The following NBPF20 variants were observed in gnomAD, a reference collection of about 807,000 sequenced individuals.
NBPF20 encodes NBPF member 20.
In NBPF20, 90 loss-of-function variants were observed where a neutral mutation model predicts 68.1. The ratio of observed to expected loss-of-function variants is 1.32; its 90% CI spans 1.11 to 1.58. NBPF20 has a LOEUF of 1.58. Ranked by LOEUF, NBPF20 falls within the 40% of genes most tolerant of loss-of-function variation. NBPF20 has a pLI of 0.00. For missense variants in NBPF20, 816 were observed against 601.2 expected, an observed-to-expected ratio of 1.36 and a Z score of -3.74; for synonymous variants, 290 against 228.1, an observed-to-expected ratio of 1.27 and a Z score of -2.45.
chr1:145,396,732 C>T (rs1215712005), intron 7 of NBPF20, among the ~76,000 whole-genome samples: 1 of 133,184 alleles, frequency 7.5e-6, no homozygotes, highest in African/African-American at 3.4e-5. Context: ...TATAGTTTTC[C>T]TTTATTATTT....
At chr1:145,395,167 G>C in intron 7 of NBPF20, 26 bp from the exon 13 acceptor site, 1 of 1,393,360 alleles carries the variant, frequency 7.2e-7, no homozygotes, top group Non-Finnish European at 1.0e-6. Flanking sequence ...GGACAGGGAT[G>C]ATAGAAGATT....
the NBPF20 span, among the ~76,000 whole-genome samples, chr1:145,425,219 C>T: frequency 1.3e-5 from 2 of 152,100 alleles, no homozygotes; most frequent in East Asian, 1.9e-4. Flanking sequence ...CCGGAACACA[C>T]GCCCCCCCCA....
chr1:145,395,271 G>C, intron 7 of NBPF20, 130 bp from the exon 13 acceptor site: 1 of 1,052,640 alleles, frequency 9.5e-7, no homozygotes, highest in Non-Finnish European at 1.4e-6. Flanking sequence ...TTTCCTTCAA[G>C]AGAAATAAAA....
intron 75 of NBPF20, 56 bp downstream of exon 80, chr1:145,341,508 T>A (rs2101479022): frequency 1.6e-4 from 1 of 6,430 alleles, no homozygotes; most frequent in East Asian, 3.6e-3. Flanking sequence ...TTTCCCTGAA[T>A]CTGTTGCCTC....
At chr1:145,401,006 G>C in intron 5 of NBPF20, 53 bp downstream of exon 10, 2 of 1,529,724 alleles carry the variant, frequency 1.3e-6, no homozygotes, top group Non-Finnish European at 1.8e-6. Context: ...GTGCCTCCTA[G>C]ATATTCCTCA....
At chr1:145,396,369 A>G (rs1553663835) in intron 7 of NBPF20, among the ~76,000 whole-genome samples, 3,456 of 151,252 alleles carry the variant, frequency 0.023, 124 homozygotes, top group African/African-American at 0.08. Context: ...GACCAAATCT[A>G]CATTTGATTG....
At chr1:145,366,614 A>G (rs1661702411) in intron 43 of NBPF20, among the ~76,000 whole-genome samples, 1 of 85,326 alleles carries the variant, frequency 1.2e-5, no homozygotes, top group African/African-American at 5.2e-5. Context: ...ACACAGAGAG[A>G]ACGAGCTCAG....
intron 29 of NBPF20, among the ~76,000 whole-genome samples, 181 bp from the exon 35 acceptor site, chr1:145,377,619 A>C (rs1237167745): frequency 7.0e-6 from 1 of 142,024 alleles, no homozygotes; most frequent in African/African-American, 2.5e-5. Context: ...AAAGAATGAA[A>C]GAGAAAGACA....
Position 145,393,677 on chromosome 1 carries a change from C to G in NBPF20, c.1043+207G>C, listed in dbSNP as rs1191633628. 2.9e-6 allele frequency: 4 copies of G among 1,390,042 alleles called. No individual in the cohort carries two copies. The Admixed American group carries it at 6.4e-5, about 22-fold the overall frequency. 86.1% of individuals were successfully genotyped at this position (1,390,042 alleles called of 1,614,324 possible). On this transcript the variant is annotated intron_variant, in intron 9 of 137. Transcript: ENST00000369373. ...AATACAGCTTTTGAGTTATGGTCAA[C>G]TTTCACTAGGTTAGTAAATGATAAG...
exon 138 of NBPF20, chr1:145,291,475 C>T (rs1337338852): frequency 3.7e-5 from 59 of 1,611,848 alleles, no homozygotes; most frequent in Non-Finnish European, 4.5e-5. Flanking sequence ...TCTTCACGTG[C>T]CTATAGGTCC....
At chr1:145,394,446 A>G (rs1358589822) in intron 8 of NBPF20, among the ~76,000 whole-genome samples, 1 of 152,116 alleles carries the variant, frequency 6.6e-6, no homozygotes, top group African/African-American at 2.4e-5. Context: ...AAAACATACC[A>G]GGAACATGAT....
At chr1:145,399,776 CAA>C (rs1176062364) in intron 6 of NBPF20, among the ~76,000 whole-genome samples, 7 of 51,734 alleles carry the variant, frequency 1.4e-4, no homozygotes, top group African/African-American at 6.3e-4. Context: ...GACTCCATCA[CAA>C]AAAAAAAAAA....
At chr1:145,291,956 G>C (rs1366145858) in intron 137 of NBPF20, among the ~76,000 whole-genome samples, 187 bp from the exon 143 acceptor site, 40 of 151,142 alleles carry the variant, frequency 2.6e-4, no homozygotes, top group South Asian at 2.1e-4. Context: ...AACAATGAAA[G>C]AGAAAGACAG....
chr1:145,415,584 G>C, the NBPF20 span, among the ~76,000 whole-genome samples: 1 of 147,850 alleles, frequency 6.8e-6, no homozygotes, highest in Non-Finnish European at 1.5e-5. Context: ...CTTGAGATTA[G>C]GGAGTGGTGA....
chr1:145,292,057 G>A (rs1317769540), intron 137 of NBPF20, among the ~76,000 whole-genome samples: 1 of 149,440 alleles, frequency 6.7e-6, no homozygotes, highest in African/African-American at 2.6e-5. Context: ...GACACTCTGA[G>A]TTAGTGTCCT....
At chr1:145,403,218 G>A (rs1553665920) in exon 3 of NBPF20, 171 of 1,612,254 alleles carry the variant, frequency 1.1e-4, no homozygotes, top group Middle Eastern at 2.1e-4. Context: ...CCCCTCACCT[G>A]AGCTCCTCAG....
intron 9 of NBPF20, among the ~76,000 whole-genome samples, chr1:145,393,543 A>T (rs1233518855): frequency 3.3e-5 from 5 of 152,000 alleles, no homozygotes; most frequent in African/African-American, 1.2e-4. Context: ...GAGTCAAAGG[A>T]CACTCTGTAT....
chr1:145,402,474 G>C (rs1338445953), intron 3 of NBPF20, 93 bp from the exon 9 acceptor site: 2 of 1,416,224 alleles, frequency 1.4e-6, no homozygotes, highest in East Asian at 4.5e-5. Context: ...ATGTCCTCAA[G>C]GAGACCTCGA....
chr1:145,403,148 C>A, intron 3 of NBPF20, 68 bp downstream of exon 8: 1 of 1,588,768 alleles, frequency 6.3e-7, no homozygotes, highest in East Asian at 2.2e-5. Flanking sequence ...TACGTCTCCC[C>A]ACCGAGCTGC....
Sources: gnomAD v4.1 joint callset for allele counts (sites outside exome capture counted in the v4.1 genomes callset) on GRCh38, gnomAD v4.1.1 for gene constraint, MANE v1.5 for transcripts, NCBI Gene and HGNC (gene_info 2026-07-23, HGNC 2026-07-21) for gene names.